The following VRK2 variants were observed in gnomAD, a reference collection of about 807,000 sequenced individuals.
VRK2 encodes VRK serine/threonine kinase 2, also known as serine/threonine-protein kinase VRK2.
VRK2 carries 60 observed loss-of-function variants against 57.6 expected under a neutral mutation model. The ratio of observed to expected loss-of-function variants is 1.04; its 90% CI spans 0.85 to 1.29. VRK2 has a LOEUF of 1.29. Among genes scored for constraint, VRK2 ranks in the 50% most tolerant of loss-of-function variants. The pLI is 0.00. For missense variants in VRK2, 705 were observed against 588.1 expected, an observed-to-expected ratio of 1.20 and a Z score of -2.06; for synonymous variants, 231 against 199.2, an observed-to-expected ratio of 1.16 and a Z score of -1.35.
chr2:58,078,429 G>T (rs1000784458), intron 2 of VRK2, among the ~76,000 whole-genome samples: 9 of 151,938 alleles, frequency 5.9e-5, no homozygotes, highest in African/African-American at 1.9e-4. Flanking sequence ...TTCTACTTTT[G>T]GCTAATTGTC....
chr2:58,018,982 T>G (rs933765455), intron 1 of VRK2, among the ~76,000 whole-genome samples: 2 of 152,200 alleles, frequency 1.3e-5, no homozygotes, highest in Admixed American at 1.3e-4. Context: ...AAGCTTAGCT[T>G]GTATTCCCTG....
intron 1 of VRK2, among the ~76,000 whole-genome samples, chr2:57,959,909 T>G (rs1394262076): frequency 6.6e-6 from 1 of 151,230 alleles, no homozygotes; most frequent in African/African-American, 2.4e-5. Flanking sequence ...TAGAGGGGGG[T>G]TTGTTAGAAC....
chr2:57,915,655 A>T (rs977729858), intron 1 of VRK2, among the ~76,000 whole-genome samples: 4 of 152,204 alleles, frequency 2.6e-5, no homozygotes, highest in African/African-American at 9.7e-5. Flanking sequence ...AAACCTTACT[A>T]TAAACAGTTA....
chr2:57,956,296 G>T (rs1671584949), intron 1 of VRK2, among the ~76,000 whole-genome samples: 1 of 152,142 alleles, frequency 6.6e-6, no homozygotes, highest in South Asian at 2.1e-4. Context: ...GAGGCAGGAG[G>T]ATTGCTTGAG....
chr2:58,159,566 C>T lies in VRK2; in HGVS notation c.1400C>T (p.Ser467Leu). The T allele has an allele frequency of 1.2e-6, 2 of 1,613,790 alleles. No homozygotes were observed. The highest frequency in any genetic ancestry group is 1.7e-6 in the Non-Finnish European group (2 of 1,179,792). ...VSTGITDLESSTGLWPTISQF... is the reference protein window; with the variant it reads ...VSTGITDLESLTGLWPTISQF... ...ACGGGGATCACAGACTTAGAAAGTT[C>T]AACTGGACTTTGGCCTACAATTTCC... The change falls in exon 13 of 13, where the codon TCA (serine) becomes TTA (leucine). Residue 467 changes from serine (S) to leucine (L), a missense_variant. Transcript: ENST00000340157.
chr2:58,013,715 C>T (rs996571193), intron 1 of VRK2, among the ~76,000 whole-genome samples: 2 of 151,568 alleles, frequency 1.3e-5, no homozygotes, highest in Non-Finnish European at 2.9e-5. Context: ...AAAAATTAGC[C>T]GGGCGCAGTG....
intron 9 of VRK2, among the ~76,000 whole-genome samples, chr2:58,134,549 T>C (rs1679703201): frequency 6.8e-6 from 1 of 146,044 alleles, no homozygotes; most frequent in African/African-American, 2.6e-5. Context: ...AAGCGGAGCT[T>C]GCAGTGAGCC....
chr2:58,083,641 G>C (rs1171671355), intron 2 of VRK2, among the ~76,000 whole-genome samples: 1 of 151,614 alleles, frequency 6.6e-6, no homozygotes, highest in African/African-American at 2.4e-5. Context: ...AAATTGAATC[G>C]ATTTTTATTT....
intron 3 of VRK2, chr2:58,040,914 C>G: frequency 1.7e-6 from 1 of 571,506 alleles, no homozygotes; most frequent in Non-Finnish European, 2.2e-6. Flanking sequence ...AAAAACATGA[C>G]TTACATGACA....
intron 2 of VRK2, among the ~76,000 whole-genome samples, chr2:58,080,179 G>A (rs942103602): frequency 4.6e-5 from 7 of 151,814 alleles, no homozygotes; most frequent in Non-Finnish European, 1.0e-4. Context: ...GTTTTTATAT[G>A]ATATTTTTAG....
At chr2:57,960,506 T>C (rs2103996710) in intron 1 of VRK2, among the ~76,000 whole-genome samples, 2 of 152,350 alleles carry the variant, frequency 1.3e-5, no homozygotes, top group Middle Eastern at 6.8e-3. Flanking sequence ...TGTATCTACT[T>C]GTATTTGCAT....
chr2:58,110,068 C>T (rs1392077143), intron 7 of VRK2, among the ~76,000 whole-genome samples: 5 of 152,072 alleles, frequency 3.3e-5, no homozygotes, highest in Admixed American at 6.5e-5. Flanking sequence ...ACAAATCTGG[C>T]CAAGTGAAAT....
intron 2 of VRK2, among the ~76,000 whole-genome samples, chr2:58,060,599 TC>T (rs1021098800): frequency 1.6e-4 from 24 of 151,908 alleles, no homozygotes; most frequent in African/African-American, 5.8e-4. Context: ...ATGTAGTATA[TC>T]TTTGGATAGT....
chr2:58,087,413 T>C (rs1398952417), intron 5 of VRK2, among the ~76,000 whole-genome samples: 2 of 152,198 alleles, frequency 1.3e-5, no homozygotes, highest in Non-Finnish European at 2.9e-5. Context: ...AGAGCTATAC[T>C]AGTTGCCTTA....
At chr2:58,028,908 ATATATATATATATATATATAT>A (rs1674027228) in intron 2 of VRK2, among the ~76,000 whole-genome samples, 1 of 37,448 alleles carries the variant, frequency 2.7e-5, no homozygotes, top group Non-Finnish European at 5.8e-5. Context: ...AAATAAATAT[ATATATATATATATATATATAT>A]ATATATATAT....
At chr2:58,099,122 T>C (rs920429240) in intron 7 of VRK2, among the ~76,000 whole-genome samples, 9 of 151,996 alleles carry the variant, frequency 5.9e-5, no homozygotes, top group African/African-American at 2.2e-4. Context: ...AAAATGATAG[T>C]GGTGTTTCGA....
At chr2:58,103,502 G>T (rs1674310966) in intron 7 of VRK2, among the ~76,000 whole-genome samples, 1 of 151,524 alleles carries the variant, frequency 6.6e-6, no homozygotes, top group Admixed American at 6.6e-5. Flanking sequence ...AGAGGAAATG[G>T]ATACATTCCT....
At chr2:58,031,394 G>A (rs556460418) in intron 2 of VRK2, among the ~76,000 whole-genome samples, 2 of 152,058 alleles carry the variant, frequency 1.3e-5, no homozygotes, top group South Asian at 4.1e-4. Context: ...CCTGAGCTTG[G>A]GAGGGATATA....
At chr2:58,095,196 A>T (rs1672962085) in intron 7 of VRK2, among the ~76,000 whole-genome samples, 1 of 151,096 alleles carries the variant, frequency 6.6e-6, no homozygotes, top group African/African-American at 2.4e-5. Flanking sequence ...CGGGAGGCTG[A>T]GGCAGGAGAA....
Sources: allele counts gnomAD v4.1 joint callset (sites outside exome capture counted in the v4.1 genomes callset), GRCh38; gene constraint gnomAD v4.1.1; transcripts MANE v1.5; gene names NCBI Gene and HGNC (gene_info 2026-07-23, HGNC 2026-07-21).